The following ITPR1 variants were observed in gnomAD, a reference collection of about 807,000 sequenced individuals.
ITPR1 encodes the protein inositol 1,4,5-trisphosphate-gated calcium channel ITPR1.
A neutral mutation model predicts 318.4 loss-of-function variants in ITPR1; 96 were observed. The observed-to-expected ratio is 0.30, with a 90% confidence interval of 0.26 to 0.36. The LOEUF (loss-of-function observed/expected upper bound fraction) is 0.36. ITPR1 is among the 10% of genes least tolerant of loss of function. The probability of loss-of-function intolerance (pLI) is 1.00; values close to 1 mark genes in which losing one functional copy is unlikely to be tolerated. For missense variants in ITPR1, 2,440 were observed against 3,460.2 expected (o/e 0.71, Z 7.40); for synonymous variants, 1,312 against 1,289.9 (o/e 1.02, Z -0.37).
intron 11 of ITPR1, among the ~76,000 whole-genome samples, chr3:4,652,552 G>A (rs1399777354): frequency 6.6e-6 from 1 of 152,128 alleles, no homozygotes; most frequent in Non-Finnish European, 1.5e-5. Context: ...CCTAGCATGA[G>A]CGACTGAGGC....
intron 61 of ITPR1, among the ~76,000 whole-genome samples, chr3:4,838,091 T>C (rs1199840337): frequency 5.9e-5 from 9 of 152,146 alleles, no homozygotes; most frequent in African/African-American, 2.2e-4. Context: ...CATACTTAGA[T>C]TTATATTAAT....
At chr3:4,825,404 G>T (rs780886434) in intron 60 of ITPR1, among the ~76,000 whole-genome samples, 1 of 152,244 alleles carries the variant, frequency 6.6e-6, no homozygotes, top group South Asian at 2.1e-4. Flanking sequence ...CCAGGAGCCC[G>T]CATTCCTGAA....
chr3:4,586,082 C>G (rs763314538), intron 4 of ITPR1, among the ~76,000 whole-genome samples: 26 of 152,128 alleles, frequency 1.7e-4, no homozygotes, highest in Non-Finnish European at 3.8e-4. Context: ...ATCCATATCC[C>G]TACAAAGGAC....
At chr3:4,767,883 A>G (rs765480521) in intron 45 of ITPR1, among the ~76,000 whole-genome samples, 1 of 152,106 alleles carries the variant, frequency 6.6e-6, no homozygotes, top group Non-Finnish European at 1.5e-5. Context: ...CAATTGAGGT[A>G]CCTCCATTTT....
intron 51 of ITPR1, among the ~76,000 whole-genome samples, chr3:4,784,359 G>C (rs1437079582): frequency 6.6e-6 from 1 of 152,116 alleles, no homozygotes; most frequent in Non-Finnish European, 1.5e-5. Flanking sequence ...GAAGATTCTA[G>C]GTGATCCGGA....
chr3:4,547,261 C>T (rs531729998), intron 4 of ITPR1, among the ~76,000 whole-genome samples: 13 of 152,276 alleles, frequency 8.5e-5, no homozygotes, highest in South Asian at 6.2e-4. Context: ...TTTTAAGAAG[C>T]ACATAGATTT....
intron 4 of ITPR1, among the ~76,000 whole-genome samples, chr3:4,563,050 G>A (rs892956732): frequency 6.6e-6 from 1 of 152,138 alleles, no homozygotes; most frequent in Non-Finnish European, 1.5e-5. Context: ...GGAAGAGCTG[G>A]CCACTTGTAT....
intron 52 of ITPR1, among the ~76,000 whole-genome samples, chr3:4,791,408 G>A (rs995603429): frequency 7.9e-5 from 12 of 152,116 alleles, no homozygotes; most frequent in Admixed American, 2.6e-4. Flanking sequence ...ATTTTCTTAC[G>A]GAGTGTGCAG....
Position 4,699,992 on chromosome 3 carries a change from T to C in ITPR1, c.4536+51T>C. ...AATGTTCACGATACACCTTCTGCAGTTGGGCTTGATGTGAATTTGGGAGTA... is the reference window on the plus strand; with the variant it reads ...AATGTTCACGATACACCTTCTGCAGCTGGGCTTGATGTGAATTTGGGAGTA... On this transcript the variant is annotated intron_variant, in intron 35 of 61. Transcript: ENST00000649015. 3 of 1,567,374 alleles carry C rather than the reference T, an allele frequency of 1.9e-6. No homozygotes were observed. The South Asian group carries it at 3.4e-5, about 18-fold the overall frequency.
At chr3:4,602,375 A>C (rs187441886) in intron 4 of ITPR1, among the ~76,000 whole-genome samples, 3 of 152,086 alleles carry the variant, frequency 2.0e-5, no homozygotes, top group South Asian at 2.1e-4. Flanking sequence ...ACAACAACAA[A>C]AAATTAGCCA....
At chr3:4,795,327 C>G (rs2047829658) in intron 53 of ITPR1, 140 bp downstream of exon 53, 2 of 683,598 alleles carry the variant, frequency 2.9e-6, no homozygotes, top group Admixed American at 7.6e-5. Flanking sequence ...GAGATTGTAG[C>G]TGTTACCATA....
chr3:4,735,336 A>G lies in ITPR1; in HGVS notation c.5526A>G (p.Gly1842=). ...TCCTGGCCATTGCCCTTCTGGAAGG[A>G]GGCAACACCACCATCCAGGTAGGAA... is the stretch of plus-strand genomic sequence containing the variant. ...SILLAIALLE[G]GNTTIQHSFF... Residue 1842 remains glycine (G), a synonymous_variant, in exon 44 of 62, where the codon GGA becomes GGG. Transcript: ENST00000649015. 6.2e-7 allele frequency: 1 copy of G among 1,613,798 alleles called. No individual in the cohort carries two copies. Among genetic ancestry groups the G allele is most frequent in the Non-Finnish European group, 8.5e-7 (1 of 1,179,748 alleles).
chr3:4,599,038 A>G (rs533524736), intron 4 of ITPR1, among the ~76,000 whole-genome samples: 2 of 147,644 alleles, frequency 1.4e-5, no homozygotes, highest in East Asian at 4.0e-4. Context: ...TTTTCTGGCT[A>G]TCACCTAATT....
At position 4,627,879 on chromosome 3, in the gene ITPR1, G is replaced by A; in HGVS notation, c.279+1G>A. On this transcript the variant is annotated splice_donor_variant, in intron 5 of 61. Transcript: ENST00000649015. LOFTEE classifies it high-confidence loss of function. ...CGCAGTGCTACTCAACAAACTGCAC[G>A]TACGTATTGCCATGGGGCTGTCGAT... 6.3e-7 allele frequency: 1 copy of A among 1,597,286 alleles called. No homozygotes were observed. The highest frequency in any genetic ancestry group is 1.1e-5 in the South Asian group (1 of 90,066).
chr3:4,661,382 G>T (rs111246613), intron 14 of ITPR1, among the ~76,000 whole-genome samples: 3 of 152,278 alleles, frequency 2.0e-5, no homozygotes, highest in African/African-American at 7.2e-5. Flanking sequence ...GATAATTTGG[G>T]CTGGGGAATG....
At chr3:4,749,730 G>T (rs1236866773) in intron 44 of ITPR1, 3 of 152,522 alleles carry the variant, frequency 2.0e-5, no homozygotes. Context: ...AAGTTCCCAT[G>T]GTAACTGTTT....
At chr3:4,668,223 T>G (rs2093992660) in intron 18 of ITPR1, among the ~76,000 whole-genome samples, 1 of 151,330 alleles carries the variant, frequency 6.6e-6, no homozygotes, top group Non-Finnish European at 1.5e-5. Context: ...TATTTTTTTT[T>G]TTTTTTTTTT....
In ITPR1 at chr3:4,669,671, C is replaced by T. The variant is rs773171767; in HGVS notation, c.1904C>T (p.Ser635Phe). The part of the protein sequence containing the change: ...NREPRFLDYL[S>F]DLCVSMNKSI... ...CTGTTTAGATTCTTAGATTACCTCTCCGACCTCTGTGTCTCCATGAACAAA... is the reference window on the plus strand; with the variant it reads ...CTGTTTAGATTCTTAGATTACCTCTTCGACCTCTGTGTCTCCATGAACAAA... The change falls in exon 19 of 62, where the codon TCC becomes TTC. Residue 635 changes from serine to phenylalanine, a missense_variant. Coordinates refer to ENST00000649015, the MANE Select transcript of ITPR1 (RefSeq NM_001378452.1). 6.2e-7 allele frequency: 1 copy of T among 1,612,640 alleles called. No homozygotes were observed. The highest frequency in any genetic ancestry group is 8.5e-7 in the Non-Finnish European group (1 of 1,179,080).
chr3:4,774,130 T>C (rs1293768725), intron 46 of ITPR1, among the ~76,000 whole-genome samples: 1 of 152,274 alleles, frequency 6.6e-6, no homozygotes, highest in African/African-American at 2.4e-5. Flanking sequence ...CGGGAACATT[T>C]GTTACATATT....
Sources: allele counts gnomAD v4.1 joint callset (sites outside exome capture counted in the v4.1 genomes callset), GRCh38; gene constraint gnomAD v4.1.1; transcripts MANE v1.5; gene names NCBI Gene and HGNC (gene_info 2026-07-23, HGNC 2026-07-21).